The following PCDH11Y variants were observed in gnomAD, a reference collection of about 807,000 sequenced individuals.
PCDH11Y encodes protocadherin-11 Y-linked.
For missense variants in PCDH11Y, 12 were observed against 224.8 expected, an observed-to-expected ratio of 0.05 and a Z score of 6.05; for synonymous variants, 9 against 83.6, an observed-to-expected ratio of 0.11 and a Z score of 4.87.
chrY:5,443,179 G>A (rs2124681967), intron 2 of PCDH11Y, among the ~76,000 whole-genome samples: 5 of 32,461 alleles, frequency 1.5e-4, no homozygotes, highest in African/African-American at 5.9e-4. Flanking sequence ...ATGAATATTT[G>A]GTGAGTCAAA....
intron 2 of PCDH11Y, among the ~76,000 whole-genome samples, chrY:5,352,424 A>C: frequency 3.1e-5 from 1 of 32,766 alleles, no homozygotes; most frequent in African/African-American, 1.2e-4. Context: ...ACCCAGCCTT[A>C]CCCTTCCCCC....
At chrY:5,329,216 AG>A (rs2053126825) in intron 2 of PCDH11Y, among the ~76,000 whole-genome samples, 3 of 32,384 alleles carry the variant, frequency 9.3e-5, no homozygotes, top group African/African-American at 2.4e-4. Context: ...GAGAAGAAAG[AG>A]GAATGGAAGC....
intron 4 of PCDH11Y, among the ~76,000 whole-genome samples, chrY:5,604,735 C>T (rs2556774): frequency 3.1e-5 from 1 of 32,337 alleles, no homozygotes; most frequent in African/African-American, 1.2e-4. Flanking sequence ...ATAGTAAGAG[C>T]GCTTAAAATC....
At chrY:5,332,841 A>G (rs2053132469) in intron 2 of PCDH11Y, among the ~76,000 whole-genome samples, 1 of 34,075 alleles carries the variant, frequency 2.9e-5, no homozygotes, top group Non-Finnish European at 7.3e-5. Flanking sequence ...TAAAAAAAGT[A>G]AAAGGGATTT....
chrY:5,560,990 G>T, intron 3 of PCDH11Y, among the ~76,000 whole-genome samples: 2 of 33,403 alleles, frequency 6.0e-5, no homozygotes, highest in Non-Finnish European at 1.5e-4. Context: ...GGGAGGGAGG[G>T]TGTACCCTGC....
chrY:5,171,205 G>A, intron 2 of PCDH11Y, among the ~76,000 whole-genome samples: 1 of 30,877 alleles, frequency 3.2e-5, no homozygotes, highest in Non-Finnish European at 7.9e-5. Context: ...CATGGCAAAT[G>A]CACAAAAATT....
chrY:5,506,596 C>A, intron 3 of PCDH11Y, among the ~76,000 whole-genome samples: 3 of 32,654 alleles, frequency 9.2e-5, no homozygotes, highest in Admixed American at 8.7e-4. Flanking sequence ...AAGATTATTT[C>A]TTAAAACTGT....
At chrY:5,152,543 A>AT (rs2052865089) in intron 2 of PCDH11Y, among the ~76,000 whole-genome samples, 1 of 32,683 alleles carries the variant, frequency 3.1e-5, no homozygotes, top group Non-Finnish European at 7.6e-5. Flanking sequence ...TGTAACCTGA[A>AT]TCTGATAAAA....
At chrY:5,320,245 T>C (rs2053111205) in intron 2 of PCDH11Y, among the ~76,000 whole-genome samples, 1 of 33,905 alleles carries the variant, frequency 2.9e-5, no homozygotes, top group East Asian at 7.8e-4. Context: ...ATTTGAACAA[T>C]CTGTAATATA....
intron 1 of PCDH11Y, among the ~76,000 whole-genome samples, chrY:5,094,345 T>G: frequency 3.1e-5 from 1 of 31,967 alleles, no homozygotes; most frequent in Admixed American, 2.9e-4. Flanking sequence ...AAAACAGTCT[T>G]GGAATCATCA....
intron 2 of PCDH11Y, among the ~76,000 whole-genome samples, chrY:5,155,755 T>G: frequency 6.2e-5 from 2 of 32,421 alleles, no homozygotes; most frequent in Non-Finnish European, 1.5e-4. Flanking sequence ...GAACATTGTG[T>G]ATGATTATGT....
chrY:5,079,299 G>A (rs2052715271), intron 1 of PCDH11Y, among the ~76,000 whole-genome samples: 1 of 33,020 alleles, frequency 3.0e-5, no homozygotes, highest in Non-Finnish European at 7.4e-5. Context: ...CCATTCTGGG[G>A]TCTAGACGAC....
At chrY:5,679,226 A>G in intron 4 of PCDH11Y, among the ~76,000 whole-genome samples, 1 of 32,613 alleles carries the variant, frequency 3.1e-5, no homozygotes, top group Non-Finnish European at 7.5e-5. Context: ...CGCAACAATA[A>G]AGTGACTCCT....
chrY:5,037,874 A>G (rs2052601957), intron 3 of PCDH11Y, among the ~76,000 whole-genome samples: 1 of 33,048 alleles, frequency 3.0e-5, no homozygotes, highest in Non-Finnish European at 7.4e-5. Flanking sequence ...TTTCCATTTC[A>G]GTGCTTAATG....
At chrY:5,286,651 C>T (rs2124661361) in intron 2 of PCDH11Y, among the ~76,000 whole-genome samples, 2 of 32,469 alleles carry the variant, frequency 6.2e-5, no homozygotes, top group Admixed American at 2.8e-4. Context: ...CTTTTTATGC[C>T]TATTATAAAT....
chrY:5,646,439 G>A (rs207480478), intron 4 of PCDH11Y, among the ~76,000 whole-genome samples: 3 of 32,201 alleles, frequency 9.3e-5, no homozygotes, highest in African/African-American at 2.4e-4. Flanking sequence ...ACACAATAGC[G>A]TCACTATAAT....
At chrY:5,603,855 AAAAGAAAGAAAGAAAGAAAGAAAG>A in intron 4 of PCDH11Y, among the ~76,000 whole-genome samples, 11 of 9,106 alleles carry the variant, frequency 1.2e-3, no homozygotes, top group Admixed American at 3.7e-3. Context: ...GAAAGAAAGA[AAAAGAAAGAAAGAAAGAAAGAAAG>A]AAAGAAAGAA....
rs1602942126 is a variant in PCDH11Y at position 5,551,433 on chromosome Y, A to T, written c.3329-30342A>T. ...TAAGACACACAATATGATTTTAAAAACTCCCTCGGTGCTGTTGCTTTCACT... is the reference window on the plus strand; with the variant it reads ...TAAGACACACAATATGATTTTAAAATCTCCCTCGGTGCTGTTGCTTTCACT... On this transcript the variant is annotated intron_variant, in intron 3 of 4. Coordinates refer to the PCDH11Y transcript ENST00000400457. Among the ~76,000 whole-genome samples, 10 of 31,763 alleles carry T rather than the reference A, an allele frequency of 3.1e-4. No homozygotes were observed. In the East Asian group the frequency reaches 8.0e-3, roughly 25 times the overall value. The allele number at this position is 31,763 out of a possible 37,273, so 85.2% of individuals were successfully genotyped here. A position where few individuals can be genotyped will look rare whatever the true frequency, so the allele number is the denominator to read the frequency against.
intron 2 of PCDH11Y, among the ~76,000 whole-genome samples, chrY:5,317,662 C>T: frequency 3.1e-5 from 1 of 32,532 alleles, no homozygotes; most frequent in Admixed American, 2.9e-4. Context: ...TTGAAAGTTT[C>T]CTGACGCCTC....
Sources: allele counts gnomAD v4.1 joint callset (sites outside exome capture counted in the v4.1 genomes callset), GRCh38; gene constraint gnomAD v4.1.1; transcripts MANE v1.5; gene names NCBI Gene and HGNC (gene_info 2026-07-23, HGNC 2026-07-21).